The following LOC128462377 variants were observed in gnomAD, a reference collection of about 807,000 sequenced individuals.
At chr16:89,416,808 G>C in the LOC128462377 span, among the ~76,000 whole-genome samples, 35 of 151,586 alleles carry the variant, frequency 2.3e-4, no homozygotes, top group African/African-American at 8.5e-4. Context: ...GCAGCATTTT[G>C]CTTTTCCTTG....
At chr16:89,415,251 G>A in the LOC128462377 span, among the ~76,000 whole-genome samples, 1 of 144,382 alleles carries the variant, frequency 6.9e-6, no homozygotes, top group African/African-American at 2.6e-5. Flanking sequence ...ACTGCACCTG[G>A]CCAGCTATTC....
the LOC128462377 span, among the ~76,000 whole-genome samples, chr16:89,399,581 G>A: frequency 5.3e-4 from 81 of 152,216 alleles, no homozygotes; most frequent in Admixed American, 1.6e-3. Flanking sequence ...ATACCACAAC[G>A]GTGGGTCCAC....
the LOC128462377 span, among the ~76,000 whole-genome samples, chr16:89,406,544 G>C: frequency 4.6e-3 from 702 of 152,356 alleles, 3 homozygotes; most frequent in African/African-American, 0.016. Flanking sequence ...ACAGGCACCA[G>C]AGGCTGCAGC....
the LOC128462377 span, chr16:89,343,683 C>A: frequency 6.6e-6 from 1 of 152,288 alleles, no homozygotes; most frequent in East Asian, 1.9e-4. Flanking sequence ...CACCAATTAC[C>A]TTCACAGACC....
the LOC128462377 span, among the ~76,000 whole-genome samples, chr16:89,410,722 T>A: frequency 6.6e-6 from 1 of 152,262 alleles, no homozygotes; most frequent in Non-Finnish European, 1.5e-5. Context: ...CCAAAAGCTA[T>A]GAAAGCATCC....
chr16:89,326,649 G>A, the LOC128462377 span, among the ~76,000 whole-genome samples: 5 of 152,152 alleles, frequency 3.3e-5, no homozygotes, highest in African/African-American at 1.2e-4. Flanking sequence ...GCCTGAGGCA[G>A]GAAGACCCCT....
chr16:89,409,892 T>G, the LOC128462377 span, among the ~76,000 whole-genome samples: 1 of 150,458 alleles, frequency 6.6e-6, no homozygotes, highest in Non-Finnish European at 1.5e-5. Context: ...CAGGCTGGAG[T>G]GTAGTGGCAC....
chr16:89,360,856 G>A, the LOC128462377 span: 1 of 152,252 alleles, frequency 6.6e-6, no homozygotes, highest in African/African-American at 2.4e-5. Flanking sequence ...CTCTCTGCAT[G>A]AAGCCTCTCT....
At chr16:89,318,296 C>T in the LOC128462377 span, among the ~76,000 whole-genome samples, 1 of 152,242 alleles carries the variant, frequency 6.6e-6, no homozygotes, top group Non-Finnish European at 1.5e-5. Context: ...CACAGCCAGG[C>T]CTCCCGGGTG....
chr16:89,342,032 G>GCTGCACCTCCA, the LOC128462377 span, among the ~76,000 whole-genome samples: 1 of 36,852 alleles, frequency 2.7e-5, no homozygotes, highest in African/African-American at 9.2e-5. Context: ...CACCTCCACT[G>GCTGCACCTCCA]CCCACAGCGG....
the LOC128462377 span, among the ~76,000 whole-genome samples, chr16:89,385,966 GA>G: frequency 2.0e-5 from 3 of 152,214 alleles, no homozygotes; most frequent in African/African-American, 7.2e-5. Flanking sequence ...CAGCAGTCCA[GA>G]ACTCCCTGGC....
At chr16:89,388,911 A>G in the LOC128462377 span, among the ~76,000 whole-genome samples, 1 of 152,258 alleles carries the variant, frequency 6.6e-6, no homozygotes, top group African/African-American at 2.4e-5. Flanking sequence ...AAAAGGTTCC[A>G]AGGAACTATG....
chr16:89,413,275 G>T, the LOC128462377 span, among the ~76,000 whole-genome samples: 32 of 152,100 alleles, frequency 2.1e-4, no homozygotes, highest in African/African-American at 6.5e-4. Context: ...ATATTTTTTT[G>T]ATAATAATGG....
At chr16:89,405,900 A>G in the LOC128462377 span, among the ~76,000 whole-genome samples, 1 of 152,104 alleles carries the variant, frequency 6.6e-6, no homozygotes. Context: ...ACCTGAGGAC[A>G]GGAGTTCGAG....
chr16:89,351,446 C>A, the LOC128462377 span, among the ~76,000 whole-genome samples: 1 of 152,336 alleles, frequency 6.6e-6, no homozygotes, highest in South Asian at 2.1e-4. Flanking sequence ...TCACTCCAGG[C>A]ATTCATTACC....
chr16:89,379,402 G>C, the LOC128462377 span, among the ~76,000 whole-genome samples: 1 of 152,192 alleles, frequency 6.6e-6, no homozygotes, highest in Non-Finnish European at 1.5e-5. Flanking sequence ...CTGACCATGG[G>C]GAACAGGCCC....
At chr16:89,380,127 T>C in the LOC128462377 span, among the ~76,000 whole-genome samples, 5 of 152,164 alleles carry the variant, frequency 3.3e-5, no homozygotes, top group Non-Finnish European at 7.3e-5. Flanking sequence ...GTTTTTTTCT[T>C]TTTGAGACAG....
At chr16:89,323,956 C>T in the LOC128462377 span, 13 of 219,704 alleles carry the variant, frequency 5.9e-5, no homozygotes, top group East Asian at 1.0e-3. Context: ...ATGTTTGTGT[C>T]GGCCCCTCCC....
chr16:89,323,429 CA>C, the LOC128462377 span: 2 of 935,422 alleles, frequency 2.1e-6, no homozygotes, highest in Non-Finnish European at 2.9e-6. Context: ...GAGCCGAGGG[CA>C]GGGGGGCTGA....
Sources: allele counts gnomAD v4.1 joint callset (sites outside exome capture counted in the v4.1 genomes callset), GRCh38; gene constraint gnomAD v4.1.1; transcripts MANE v1.5.